Variants in A1CF observed in about 807,000 individuals in gnomAD.
A1CF encodes APOBEC1 complementation factor, also known as APOBEC-1 stimulating protein.
A neutral mutation model predicts 68.9 loss-of-function variants in A1CF; 48 were observed. That is an observed-to-expected ratio of 0.70 (90% CI 0.55 to 0.89). The LOEUF is 0.89. A1CF is among the 40% of genes least tolerant of loss of function. The probability of loss-of-function intolerance (pLI) is 0.00; values close to 1 mark genes in which losing one functional copy is unlikely to be tolerated. For missense variants in A1CF, 653 were observed against 718.9 expected, an observed-to-expected ratio of 0.91 and a Z score of 1.05; for synonymous variants, 272 against 260.4, an observed-to-expected ratio of 1.04 and a Z score of -0.43.
chr10:50,845,028 A>T (rs1334932744), intron 3 of A1CF, among the ~76,000 whole-genome samples: 2 of 152,210 alleles, frequency 1.3e-5, no homozygotes, highest in Non-Finnish European at 2.9e-5. Flanking sequence ...GTGGGTCATG[A>T]TCACACATTA....
At chr10:50,880,804 G>T (rs1424663873) in intron 1 of A1CF, among the ~76,000 whole-genome samples, 1 of 152,164 alleles carries the variant, frequency 6.6e-6, no homozygotes, top group Non-Finnish European at 1.5e-5. Flanking sequence ...CCAGTCCCCT[G>T]CCAGGCAGGT....
intron 3 of A1CF, 22 bp downstream of exon 3, chr10:50,859,820 A>C: frequency 1.2e-6 from 2 of 1,605,892 alleles, no homozygotes; most frequent in Non-Finnish European, 1.7e-6. Flanking sequence ...GGTGAGTCTC[A>C]GCAGATTTCA....
chr10:50,807,231 A>G (rs1837875342), intron 12 of A1CF, among the ~76,000 whole-genome samples: 1 of 152,128 alleles, frequency 6.6e-6, no homozygotes, highest in Non-Finnish European at 1.5e-5. Context: ...AGGGTCTCCA[A>G]ATTTATAAAT....
chr10:50,843,052 C>T (rs1001973549), intron 4 of A1CF, among the ~76,000 whole-genome samples: 46 of 152,134 alleles, frequency 3.0e-4, no homozygotes, highest in African/African-American at 8.7e-4. Context: ...AATATGATGG[C>T]GCATGTCTGG....
At chr10:50,861,133 ACTGGGTGAAAAT>A (rs1232484853) in intron 2 of A1CF, among the ~76,000 whole-genome samples, 3 of 152,144 alleles carry the variant, frequency 2.0e-5, no homozygotes, top group Non-Finnish European at 4.4e-5. Flanking sequence ...AATATAAGAA[ACTGGGTGAAAAT>A]TTGGGTGAAA....
chr10:50,811,981 A>G (rs1170114560), intron 10 of A1CF, among the ~76,000 whole-genome samples: 1 of 152,202 alleles, frequency 6.6e-6, no homozygotes, highest in Non-Finnish European at 1.5e-5. Context: ...AGACAGAACA[A>G]TGTCTCAGGA....
intron 1 of A1CF, among the ~76,000 whole-genome samples, chr10:50,872,714 T>C (rs1589046416): frequency 6.6e-6 from 1 of 152,132 alleles, no homozygotes; most frequent in East Asian, 1.9e-4. Context: ...TTGTAATAGC[T>C]CCTTCGAGGA....
At chr10:50,859,768 A>G (rs924104902) in intron 3 of A1CF, 74 bp downstream of exon 3, 1 of 1,325,094 alleles carries the variant, frequency 7.5e-7, no homozygotes, top group African/African-American at 1.5e-5. Flanking sequence ...CCCATTTTGC[A>G]TCTTAGGACC....
intron 3 of A1CF, among the ~76,000 whole-genome samples, chr10:50,856,772 TTTG>T (rs1489610478): frequency 6.6e-6 from 1 of 152,108 alleles, no homozygotes; most frequent in Non-Finnish European, 1.5e-5. Context: ...TAGAATATTT[TTTG>T]TTATTATTAT....
Position 50,799,721 on chromosome 10 carries a change from T to A in A1CF, c.*7008A>T, listed in dbSNP as rs1837524539. ...GGTACCTCAGCTAACTAACTTCACA[T>A]AAATAAAAATAATAACAAAAAAGAA... is the stretch of plus-strand genomic sequence containing the variant. On this transcript the variant is annotated 3_prime_UTR_variant, in exon 13 of 13. Transcript: ENST00000373997. The A allele has an allele frequency of 6.6e-6, 1 of 152,046 alleles. No individual in the cohort carries two copies. The highest frequency in any genetic ancestry group is 2.4e-5 in the African/African-American group (1 of 41,442). 9.4% of individuals were successfully genotyped at this position (152,046 alleles called of 1,614,324 possible).
At chr10:50,850,670 C>T in intron 3 of A1CF, 2 of 1,613,956 alleles carry the variant, frequency 1.2e-6, no homozygotes, top group Non-Finnish European at 1.7e-6. Flanking sequence ...CTTACCTTTT[C>T]CAGCAAAGTT....
At chr10:50,809,768 C>G (rs989105626) in intron 12 of A1CF, 126 bp downstream of exon 12, 4 of 1,412,346 alleles carry the variant, frequency 2.8e-6, no homozygotes, top group Non-Finnish European at 3.8e-6. Flanking sequence ...CTTTTTGGTC[C>G]CAAGGTTGTG....
At chr10:50,884,856 T>A (rs1841933885) in intron 1 of A1CF, among the ~76,000 whole-genome samples, 1 of 152,202 alleles carries the variant, frequency 6.6e-6, no homozygotes, top group Non-Finnish European at 1.5e-5. Context: ...TAAAATACCA[T>A]TATAATGTTT....
intron 3 of A1CF, among the ~76,000 whole-genome samples, chr10:50,858,742 C>A (rs969879485): frequency 7.2e-5 from 11 of 152,082 alleles, no homozygotes; most frequent in African/African-American, 2.6e-4. Context: ...AGAAAACCCT[C>A]TTTTCAAAAG....
At chr10:50,843,931 A>G in intron 4 of A1CF, 57 bp downstream of exon 4, 1 of 1,595,062 alleles carries the variant, frequency 6.3e-7, no homozygotes, top group Non-Finnish European at 8.6e-7. Flanking sequence ...CAAAGTGAAG[A>G]GAACAGTATT....
intron 8 of A1CF, among the ~76,000 whole-genome samples, chr10:50,818,836 T>G (rs1398174748): frequency 6.6e-6 from 1 of 152,138 alleles, no homozygotes; most frequent in African/African-American, 2.4e-5. Context: ...GGCTCCACAG[T>G]GTCTGAAGGG....
In A1CF at chr10:50,806,716, TAAA is replaced by T. The variant is rs1408387830; in HGVS notation, c.*10_*12del. On this transcript the variant is annotated 3_prime_UTR_variant, in exon 13 of 13. Coordinates refer to ENST00000373997, the MANE Select transcript of A1CF (RefSeq NM_014576.4). ...GTTTTGTGTGTCTTATTCTTAAATT[TAAA>T]AAAGCATCTTCAGAAGGTGCCATAT... 6.4e-7 allele frequency: 1 copy of T among 1,571,794 alleles called. No homozygotes were observed.
At position 50,836,328 on chromosome 10, in the gene A1CF, G is replaced by T. The variant is rs1446494511; in HGVS notation, c.366-16C>A. The T allele has an allele frequency of 3.1e-6, 5 of 1,604,638 alleles. No homozygotes were observed. In the Admixed American group the frequency reaches 8.6e-5, roughly 28 times the overall value. On this transcript the variant is annotated splice_polypyrimidine_tract_variant and intron_variant, in intron 5 of 12. Transcript: ENST00000373997. ...GCGCCCATTTCTGCAAAAAGAGCAGGGATTTTGATTGATGAGAATCCTTGT... is the reference window on the plus strand; with the variant it reads ...GCGCCCATTTCTGCAAAAAGAGCAGTGATTTTGATTGATGAGAATCCTTGT...
chr10:50,837,127 T>C (rs1399380318), intron 5 of A1CF, among the ~76,000 whole-genome samples: 2 of 152,208 alleles, frequency 1.3e-5, no homozygotes, highest in Non-Finnish European at 2.9e-5. Context: ...GAACACATTT[T>C]CACATATGAC....
Sources: gnomAD v4.1 joint callset for allele counts (sites outside exome capture counted in the v4.1 genomes callset) on GRCh38, gnomAD v4.1.1 for gene constraint, MANE v1.5 for transcripts, NCBI Gene and HGNC (gene_info 2026-07-23, HGNC 2026-07-21) for gene names.